The following TTI1 variants were observed in gnomAD, a reference collection of about 807,000 sequenced individuals.
TTI1 encodes the protein TELO2-interacting protein 1 homolog.
TTI1 carries 52 observed loss-of-function variants against 85.4 expected under a neutral mutation model. That is an observed-to-expected ratio of 0.61 (90% CI 0.49 to 0.77). The LOEUF (loss-of-function observed/expected upper bound fraction) is 0.77. Among genes scored for constraint, TTI1 ranks in the 30% least tolerant of loss-of-function variants. The pLI, the probability that TTI1 is intolerant of heterozygous loss-of-function variation, is 0.00. For synonymous variants in TTI1, 512 were observed against 503.9 expected, an observed-to-expected ratio of 1.02 and a Z score of -0.22; for missense variants, 1,173 against 1,296.0, an observed-to-expected ratio of 0.91 and a Z score of 1.46.
chr20:37,984,362 G>A (rs915637051), intron 7 of TTI1, among the ~76,000 whole-genome samples: 6 of 152,224 alleles, frequency 3.9e-5, no homozygotes, highest in African/African-American at 1.2e-4. Context: ...CAGGGACAGA[G>A]CTCAAGGGCC....
rs140889471 is a variant in TTI1, at chr20:38,018,046, G to C, written c.-41-4189C>G. 6.9e-3 allele frequency among the ~76,000 whole-genome samples: 1,056 copies of C among 152,298 alleles called. 5 individuals carry two copies. The highest frequency in any genetic ancestry group is 0.02 in the African/African-American group (839 of 41,564). ...GGTGGAAGATATATGCATCCACTAT[G>C]ATTCTTTTATATAATGTTTGGTATA... is the stretch of plus-strand genomic sequence containing the variant. On this transcript the variant is annotated intron_variant, in intron 1 of 7. Transcript: ENST00000373447.
chr20:38,014,432 T>C (rs1235520378), intron 1 of TTI1, among the ~76,000 whole-genome samples: 1 of 152,196 alleles, frequency 6.6e-6, no homozygotes, highest in Non-Finnish European at 1.5e-5. Context: ...TAACCACTCT[T>C]ATGACTTCTA....
intron 1 of TTI1, among the ~76,000 whole-genome samples, chr20:38,023,279 T>C (rs931172377): frequency 2.5e-4 from 38 of 152,224 alleles, no homozygotes; most frequent in African/African-American, 8.4e-4. Flanking sequence ...CTTTCCACTA[T>C]ACCAGAGGTT....
At chr20:38,021,814 TC>T (rs2073775390) in intron 1 of TTI1, among the ~76,000 whole-genome samples, 1 of 152,088 alleles carries the variant, frequency 6.6e-6, no homozygotes, top group African/African-American at 2.4e-5. Context: ...ATAAGTAAGA[TC>T]CCTGGGCCAT....
intron 1 of TTI1, among the ~76,000 whole-genome samples, chr20:38,026,010 A>T (rs2073832424): frequency 2.0e-5 from 3 of 152,250 alleles, no homozygotes; most frequent in Admixed American, 2.0e-4. Flanking sequence ...AAACGCCACA[A>T]AGTTGGCAAA....
intron 2 of TTI1, among the ~76,000 whole-genome samples, chr20:38,008,918 A>G (rs547612679): frequency 3.1e-4 from 47 of 152,262 alleles, no homozygotes; most frequent in Admixed American, 9.1e-4. Flanking sequence ...AGGAAGCCCC[A>G]GAGTCAGTCT....
intron 7 of TTI1, among the ~76,000 whole-genome samples, chr20:37,985,465 T>C (rs145716210): frequency 6.6e-6 from 1 of 151,522 alleles, no homozygotes; most frequent in East Asian, 1.9e-4. Context: ...TTAGGTGTAG[T>C]GGACATACAC....
intron 1 of TTI1, among the ~76,000 whole-genome samples, chr20:38,019,414 GA>G (rs1165718228): frequency 1.3e-5 from 2 of 152,184 alleles, no homozygotes; most frequent in East Asian, 1.9e-4. Flanking sequence ...AAAAGGTAGG[GA>G]GGGGGAAGGA....
intron 1 of TTI1, among the ~76,000 whole-genome samples, chr20:38,020,611 C>T (rs1358568686): frequency 2.0e-5 from 3 of 151,490 alleles, no homozygotes; most frequent in Non-Finnish European, 4.4e-5. Context: ...TGACAAAACA[C>T]TCATATCTAT....
intron 7 of TTI1, among the ~76,000 whole-genome samples, chr20:37,984,787 C>G (rs2073168982): frequency 6.6e-6 from 1 of 152,178 alleles, no homozygotes; most frequent in South Asian, 2.1e-4. Flanking sequence ...AGGGCAGGGA[C>G]CAGGGACCAC....
Position 38,011,546 on chromosome 20 carries a change from G to C in TTI1, c.2271C>G (p.Val757=), listed in dbSNP as rs1448775280. Residue 757 remains valine (V), a synonymous_variant, in exon 2 of 8, where the codon GTC becomes GTG. Coordinates refer to ENST00000373447, the MANE Select transcript of TTI1 (RefSeq NM_001303457.2). ...CTGCCATCAGAGCATGCAGAACGCTGACAAAGGAAGCAGCTCTCTTATCGT... is the reference window on the plus strand; with the variant it reads ...CTGCCATCAGAGCATGCAGAACGCTCACAAAGGAAGCAGCTCTCTTATCGT... ...QFYDKRAASF[V]SVLHALMAAL... 6.2e-7 allele frequency: 1 copy of C among 1,614,180 alleles called. No homozygotes were observed. Among genetic ancestry groups the C allele is most frequent in the Non-Finnish European group, 8.5e-7 (1 of 1,180,014 alleles).
chr20:38,002,748 A>G lies in TTI1; in HGVS notation c.2532T>C (p.Asp844=), dbSNP rs2122540274. ...EEEQSVPPKV[D]ENDTRPDVEP... ...CCACATCTGGACGGGTGTCATTCTC[A>G]TCCACTTTGGGAGGGACTGACTGTT... The change falls in exon 4 of 8, where the codon GAT becomes GAC. Residue 844 remains aspartate (D), a synonymous_variant. Coordinates refer to ENST00000373447, the MANE Select transcript of TTI1 (RefSeq NM_001303457.2). 1 of 1,613,924 alleles carries G rather than the reference A, an allele frequency of 6.2e-7. No individual in the cohort carries two copies. Among genetic ancestry groups the G allele is most frequent in the Non-Finnish European group, 8.5e-7 (1 of 1,179,832 alleles).
At chr20:38,021,362 AG>A (rs2073769212) in intron 1 of TTI1, among the ~76,000 whole-genome samples, 1 of 152,254 alleles carries the variant, frequency 6.6e-6, no homozygotes, top group African/African-American at 2.4e-5. Context: ...AATTACAGAA[AG>A]AATTGTTTAG....
At position 37,989,201 on chromosome 20, in the gene TTI1, G is replaced by C. The variant is rs1170790210; in HGVS notation, c.3087-5562C>G. ...ATAAATACTACCAATTACCTTTGCA[G>C]CTATACATGCTCGTTTGACTTAACT... On this transcript the variant is annotated intron_variant, in intron 7 of 7. Coordinates refer to ENST00000373447, the MANE Select transcript of TTI1 (RefSeq NM_001303457.2). Among the ~76,000 whole-genome samples the C allele has an allele frequency of 1.3e-5, 2 of 152,176 alleles. 1 individual carries two copies. The highest frequency in any genetic ancestry group is 4.1e-4 in the South Asian group (2 of 4,830).
chr20:38,011,743 T>C lies in TTI1; in HGVS notation c.2074A>G (p.Asn692Asp). The change falls in exon 2 of 8, where the codon AAT becomes GAT. Residue 692 changes from asparagine (N) to aspartate (D), a missense_variant. Asn to Asp is a conservative substitution (Grantham distance 23, BLOSUM62 1). Transcript: ENST00000373447. The stretch of plus-strand genomic sequence containing the variant: ...TTCACTAAATAGTCTGAATTTTGAT[T>C]GATCAGGTGCTGCAGGGAGTCGTAG... The part of the protein sequence containing the change: ...CGYDSLQHLI[N>D]QNSDYLVNGI... 1 of 1,614,208 alleles carries C rather than the reference T, an allele frequency of 6.2e-7. No homozygotes were observed. Among genetic ancestry groups the C allele is most frequent in the Non-Finnish European group, 8.5e-7 (1 of 1,180,032 alleles).
At chr20:37,994,166 C>T (rs192085612) in intron 7 of TTI1, among the ~76,000 whole-genome samples, 1 of 152,180 alleles carries the variant, frequency 6.6e-6, no homozygotes, top group Non-Finnish European at 1.5e-5. Context: ...ACAGACTGCA[C>T]TCTGTCACCT....
In TTI1 at chr20:37,999,341, C is replaced by T. The variant is rs567040366; in HGVS notation, c.2653-13G>A. 19 of 1,388,398 alleles carry T rather than the reference C, an allele frequency of 1.4e-5. No individual in the cohort carries two copies. Among genetic ancestry groups the T allele is most frequent in the African/African-American group, 1.2e-4 (8 of 67,448 alleles). 86.0% of individuals were successfully genotyped at this position (1,388,398 alleles called of 1,614,324 possible). On this transcript the variant is annotated splice_polypyrimidine_tract_variant and intron_variant, in intron 4 of 7. Transcript: ENST00000373447. The stretch of plus-strand genomic sequence containing the variant: ...GCACATCCAAGACCTGAAAGAGACA[C>T]GATTTCAGCAGATGGTATAGGCTTG...
intron 3 of TTI1, 132 bp downstream of exon 3, chr20:38,006,065 A>C: frequency 1.0e-6 from 1 of 1,002,394 alleles, no homozygotes; most frequent in Non-Finnish European, 1.5e-6. Context: ...AAACAGGAGA[A>C]TAGCTATGTT....
chr20:37,985,210 A>G (rs975526489), intron 7 of TTI1, among the ~76,000 whole-genome samples: 37 of 152,228 alleles, frequency 2.4e-4, no homozygotes, highest in African/African-American at 8.2e-4. Flanking sequence ...AGCACAGATC[A>G]AGCCCTACAC....
Sources: gnomAD v4.1 joint callset for allele counts (sites outside exome capture counted in the v4.1 genomes callset) on GRCh38, gnomAD v4.1.1 for gene constraint, MANE v1.5 for transcripts, NCBI Gene and HGNC (gene_info 2026-07-23, HGNC 2026-07-21) for gene names.